Variants in TRAP1 observed in about 807,000 individuals in gnomAD.
TRAP1 encodes heat shock protein 75 kDa, mitochondrial.
A neutral mutation model predicts 89.1 loss-of-function variants in TRAP1; 102 were observed. The observed-to-expected ratio is 1.15, with a 90% CI of 0.98 to 1.35. The LOEUF (loss-of-function observed/expected upper bound fraction) is 1.35, where lower values mean the gene tolerates loss of function less well. Ranked by LOEUF, TRAP1 falls within the 40% of genes most tolerant of loss-of-function variation. TRAP1 has a pLI of 0.00. For synonymous variants in TRAP1, 508 were observed against 388.0 expected (o/e 1.31, Z -3.64); for missense variants, 1,256 against 945.3 (o/e 1.33, Z -4.31).
At chr16:3,689,771 T>C (rs1180549336) in intron 2 of TRAP1, 2 of 151,952 alleles carry the variant, frequency 1.3e-5, no homozygotes, top group African/African-American at 4.8e-5. Flanking sequence ...GCCAGGGAGG[T>C]CGAGGCTTCA....
intron 2 of TRAP1, among the ~76,000 whole-genome samples, chr16:3,690,437 T>G (rs1369492119): frequency 1.3e-5 from 2 of 152,224 alleles, no homozygotes; most frequent in African/African-American, 4.8e-5. Flanking sequence ...TGGAGCCACT[T>G]CAGGACTGGC....
At position 3,717,517 on chromosome 16, in the gene TRAP1, C is replaced by T; in HGVS notation, c.-9G>A. On this transcript the variant is annotated 5_prime_UTR_variant, in exon 1 of 18. Coordinates refer to ENST00000246957, the MANE Select transcript of TRAP1 (RefSeq NM_016292.3). ...CGCAGCTCGCGCGCCATGTCGTACT[C>T]CCAGAGCGCCGCGCGCAGCCACGCG... 1.5e-6 allele frequency: 2 copies of T among 1,357,248 alleles called. No individual in the cohort carries two copies. The highest frequency in any genetic ancestry group is 1.9e-6 in the Non-Finnish European group (2 of 1,055,820). The allele number at this position is 1,357,248 out of a possible 1,614,324, so 84.1% of individuals were successfully genotyped here.
chr16:3,665,883 GCCACATCAGGGGACACCTCCA>G, intron 12 of TRAP1, 67 bp downstream of exon 12: 3 of 1,501,300 alleles, frequency 2.0e-6, no homozygotes, highest in Non-Finnish European at 2.7e-6. Flanking sequence ...CTGCACCGTC[GCCACATCAGGGGACACCTCCA>G]CCAGCTTCCT....
intron 4 of TRAP1, among the ~76,000 whole-genome samples, chr16:3,683,388 CTTT>C (rs1363716310): frequency 2.9e-5 from 4 of 139,244 alleles, no homozygotes; most frequent in Non-Finnish European, 3.2e-5. Flanking sequence ...ACTAACATTT[CTTT>C]TTTTTTTTTT....
intron 1 of TRAP1, among the ~76,000 whole-genome samples, chr16:3,696,883 T>C (rs1321203617): frequency 6.6e-6 from 1 of 151,998 alleles, no homozygotes; most frequent in African/African-American, 2.4e-5. Flanking sequence ...CATGCCACCA[T>C]ACCCGGCTAA....
chr16:3,710,042 ACT>A (rs1443744779), intron 1 of TRAP1, among the ~76,000 whole-genome samples: 2 of 152,112 alleles, frequency 1.3e-5, no homozygotes, highest in Admixed American at 1.3e-4. Flanking sequence ...CTCAACACTC[ACT>A]GTTTCTTGAG....
At chr16:3,697,531 G>GT (rs1400082378) in intron 1 of TRAP1, among the ~76,000 whole-genome samples, 3 of 151,578 alleles carry the variant, frequency 2.0e-5, no homozygotes, top group Non-Finnish European at 2.9e-5. Flanking sequence ...AGGCGTAGTG[G>GT]TGGGCGCCTG....
chr16:3,692,071 T>C (rs1002100742), intron 1 of TRAP1, among the ~76,000 whole-genome samples: 2 of 152,124 alleles, frequency 1.3e-5, no homozygotes, highest in Non-Finnish European at 2.9e-5. Flanking sequence ...CCTTGGTCAG[T>C]AGATTTGCAA....
intron 1 of TRAP1, among the ~76,000 whole-genome samples, chr16:3,692,836 C>T (rs182255417): frequency 0.017 from 2,550 of 151,902 alleles, 37 homozygotes; most frequent in Admixed American, 0.051. Flanking sequence ...TGACCTCAGG[C>T]GATCTGCCCA....
At chr16:3,674,094 C>CT (rs1331024073) in intron 9 of TRAP1, among the ~76,000 whole-genome samples, 2 of 151,942 alleles carry the variant, frequency 1.3e-5, no homozygotes, top group African/African-American at 2.4e-5. Flanking sequence ...TTCTTTTTTT[C>CT]TTTTTTTTCA....
intron 1 of TRAP1, among the ~76,000 whole-genome samples, chr16:3,695,311 A>T (rs1249952960): frequency 6.6e-6 from 1 of 152,116 alleles, no homozygotes; most frequent in Non-Finnish European, 1.5e-5. Context: ...GGAACATGAC[A>T]CTTCCACATA....
In TRAP1 at chr16:3,717,495, A is replaced by C; in HGVS notation, c.14T>G (p.Leu5Arg). MARE[L>R]RALLLWGRRL... Reference sequence around the variant, plus strand: ...GCGGCCCCACAGCAGCAGCGCCCGCAGCTCGCGCGCCATGTCGTACTCCCA... The same window carrying C: ...GCGGCCCCACAGCAGCAGCGCCCGCCGCTCGCGCGCCATGTCGTACTCCCA... The change falls in exon 1 of 18, where the codon CTG becomes CGG. Residue 5 changes from leucine to arginine, a missense_variant. Transcript: ENST00000246957. 7.4e-7 allele frequency: 1 copy of C among 1,345,750 alleles called. No homozygotes were observed. Among genetic ancestry groups the C allele is most frequent in the Non-Finnish European group, 9.5e-7 (1 of 1,051,318 alleles). 83.4% of individuals were successfully genotyped at this position (1,345,750 alleles called of 1,614,324 possible).
At chr16:3,701,131 T>C (rs2051359591) in intron 1 of TRAP1, among the ~76,000 whole-genome samples, 1 of 152,142 alleles carries the variant, frequency 6.6e-6, no homozygotes, top group African/African-American at 2.4e-5. Flanking sequence ...AAAAGTGTGT[T>C]TAAGAAAGCT....
At chr16:3,699,885 G>C (rs2051342421) in intron 1 of TRAP1, among the ~76,000 whole-genome samples, 1 of 151,130 alleles carries the variant, frequency 6.6e-6, no homozygotes, top group African/African-American at 2.4e-5. Context: ...ATGTTGACCA[G>C]GCTGGTCTTA....
intron 1 of TRAP1, among the ~76,000 whole-genome samples, chr16:3,710,906 T>C (rs2051522567): frequency 6.8e-6 from 1 of 147,288 alleles, no homozygotes; most frequent in Non-Finnish European, 1.5e-5. Flanking sequence ...ACTGTCACTC[T>C]GTCACCCAGA....
intron 1 of TRAP1, among the ~76,000 whole-genome samples, chr16:3,715,057 T>C (rs974934334): frequency 3.3e-5 from 5 of 152,220 alleles, no homozygotes; most frequent in African/African-American, 9.7e-5. Context: ...GCCAAGAACA[T>C]GTTCCATTTC....
chr16:3,682,625 T>C (rs1205968319), intron 4 of TRAP1, among the ~76,000 whole-genome samples: 1 of 152,104 alleles, frequency 6.6e-6, no homozygotes, highest in Non-Finnish European at 1.5e-5. Flanking sequence ...ACTCCTGAGC[T>C]CAGACAATCT....
At chr16:3,712,606 G>A (rs1341355343) in intron 1 of TRAP1, among the ~76,000 whole-genome samples, 1 of 151,982 alleles carries the variant, frequency 6.6e-6, no homozygotes, top group Admixed American at 6.6e-5. Flanking sequence ...TCTTACATTC[G>A]GATTGATGTG....
rs757753463 is a variant in TRAP1, at chr16:3,658,178, A to G, written c.2066T>C (p.Met689Thr). Reference protein sequence around the residue: ...AAGLVDDPRAMVGRLNELLVK... With the variant: ...AAGLVDDPRATVGRLNELLVK... ...AAGCAGCTCATTCAAGCGGCCCACC[A>G]TGGCCCTAGGGTCGTCAACAAGTCC... The change falls in exon 18 of 18, where the codon ATG (methionine) becomes ACG (threonine). Residue 689 changes from methionine (M) to threonine (T), a missense_variant. Coordinates refer to ENST00000246957, the MANE Select transcript of TRAP1 (RefSeq NM_016292.3). The G allele has an allele frequency of 1.1e-5, 17 of 1,613,918 alleles. No homozygotes were observed. The highest frequency in any genetic ancestry group is 8.9e-5 in the East Asian group (4 of 44,888).
Sources: allele counts gnomAD v4.1 joint callset (sites outside exome capture counted in the v4.1 genomes callset), GRCh38; gene constraint gnomAD v4.1.1; transcripts MANE v1.5; gene names NCBI Gene and HGNC (gene_info 2026-07-23, HGNC 2026-07-21).